The following CPS1 variants were observed in gnomAD, a reference collection of about 807,000 sequenced individuals.
CPS1 encodes carbamoyl-phosphate synthase [ammonia], mitochondrial.
Under a neutral mutation model 174.6 loss-of-function variants are expected in CPS1, and 109 were observed. The observed-to-expected ratio is 0.62, with a 90% CI of 0.53 to 0.73. CPS1 has a LOEUF of 0.73. CPS1 is among the 30% of genes least tolerant of loss of function. The probability of loss-of-function intolerance (pLI) is 0.00; values close to 1 mark genes in which losing one functional copy is unlikely to be tolerated. For missense variants in CPS1, 1,689 were observed against 1,821.9 expected, an observed-to-expected ratio of 0.93 and a Z score of 1.33; for synonymous variants, 637 against 632.0, an observed-to-expected ratio of 1.01 and a Z score of -0.12.
chr2:210,592,805 C>G, intron 10 of CPS1, 74 bp from the exon 11 acceptor site: 1 of 1,406,130 alleles, frequency 7.1e-7, no homozygotes. Context: ...CTTTATTGTT[C>G]CCTGAATAAT....
intron 36 of CPS1, among the ~76,000 whole-genome samples, chr2:210,676,790 G>A (rs1368400288): frequency 1.3e-5 from 2 of 152,086 alleles, no homozygotes; most frequent in Non-Finnish European, 1.5e-5. Context: ...ACAAACATCT[G>A]CATTCCATTA....
intron 21 of CPS1, chr2:210,617,505 A>G (rs927236732): frequency 6.6e-6 from 1 of 152,092 alleles, no homozygotes; most frequent in Non-Finnish European, 1.5e-5. Flanking sequence ...TTGCTCAACT[A>G]TTTAGCAATT....
intron 1 of CPS1, among the ~76,000 whole-genome samples, chr2:210,514,426 T>C (rs1389114287): frequency 6.6e-6 from 1 of 150,980 alleles, no homozygotes; most frequent in Non-Finnish European, 1.5e-5. Flanking sequence ...TTCCTAGGTA[T>C]TTTTTTTTGT....
intron 1 of CPS1, among the ~76,000 whole-genome samples, chr2:210,489,976 T>C (rs6744045): frequency 0.84 from 119,658 of 141,716 alleles, 50,967 homozygotes; most frequent in Middle Eastern, 0.93. Flanking sequence ...CCAGCCTGGG[T>C]GACAGAGCGA....
chr2:210,477,756 C>T (rs774927560), exon 1 of CPS1: 2 of 1,613,208 alleles, frequency 1.2e-6, no homozygotes, highest in East Asian at 2.2e-5. Context: ...AAGATTTAGC[C>T]GAGGCCCATG....
chr2:210,498,492 T>C (rs1358224084), intron 1 of CPS1, among the ~76,000 whole-genome samples: 2 of 152,194 alleles, frequency 1.3e-5, no homozygotes, highest in Non-Finnish European at 2.9e-5. Context: ...GCTAGTGAGT[T>C]TTGACACTGA....
rs1346309704 is a variant in CPS1 at position 210,650,369 on chromosome 2, T to G, written c.3411T>G (p.Ser1137=). The G allele has an allele frequency of 6.2e-7, 1 of 1,613,432 alleles. No individual in the cohort carries two copies. The highest frequency in any genetic ancestry group is 2.2e-5 in the East Asian group (1 of 44,862). The change falls in exon 28 of 38, where the codon TCT becomes TCG. Residue 1137 remains serine, a synonymous_variant. Coordinates refer to ENST00000233072, the MANE Select transcript of CPS1 (RefSeq NM_001875.5). The stretch of plus-strand genomic sequence containing the variant: ...TTTCCCCTTCCTTTTCCAGTGGGTC[T>G]GCTATGAATGTGGTATTCTCTGAGG... ...LLRPSYVLSG[S]AMNVVFSEDE...
chr2:210,522,112 G>A (rs942544855), intron 1 of CPS1, among the ~76,000 whole-genome samples: 6 of 151,900 alleles, frequency 3.9e-5, no homozygotes, highest in African/African-American at 1.4e-4. Context: ...ATCTTTCCAG[G>A]TGGTTCTTTT....
intron 1 of CPS1, among the ~76,000 whole-genome samples, chr2:210,497,864 T>C (rs1300872315): frequency 8.5e-6 from 1 of 117,558 alleles, no homozygotes; most frequent in Non-Finnish European, 1.9e-5. Flanking sequence ...TGCATGCATG[T>C]GTCTTTTTGG....
intron 1 of CPS1, among the ~76,000 whole-genome samples, chr2:210,492,629 C>T (rs1452784087): frequency 6.6e-6 from 1 of 151,854 alleles, no homozygotes; most frequent in Non-Finnish European, 1.5e-5. Context: ...AGAAAGGTTA[C>T]ATACTCAGGA....
chr2:210,647,793 C>A, intron 25 of CPS1, 70 bp from the exon 26 acceptor site: 1 of 1,512,248 alleles, frequency 6.6e-7, no homozygotes, highest in Non-Finnish European at 9.2e-7. Flanking sequence ...GAAATAGACA[C>A]AATATTAGCA....
At chr2:210,478,765 A>T (rs1694476272) in intron 1 of CPS1, among the ~76,000 whole-genome samples, 1 of 152,140 alleles carries the variant, frequency 6.6e-6, no homozygotes, top group Admixed American at 6.5e-5. Context: ...CTTTATCTGG[A>T]GTTTACTTCT....
At chr2:210,650,191 T>C (rs532024412) in intron 27 of CPS1, among the ~76,000 whole-genome samples, 172 bp from the exon 28 acceptor site, 1 of 152,382 alleles carries the variant, frequency 6.6e-6, no homozygotes, top group Admixed American at 6.5e-5. Context: ...GTCAGTTTTA[T>C]ACTTTGGTTG....
rs377683704 is a variant in CPS1 at position 210,520,942 on chromosome 2, G to T, written c.4-35777G>T. On this transcript the variant is annotated intron_variant, in intron 1 of 38. Transcript: ENST00000430249. ...TGCAAAAGTTTTATGGGCATATGTT[G>T]TCATTTCTCTTGGGGGAAAAAGGGG... Among the ~76,000 whole-genome samples the T allele has an allele frequency of 1.8e-4, 28 of 152,106 alleles. No individual in the cohort carries two copies. In the South Asian group the frequency reaches 5.4e-3, roughly 29 times the overall value.
At chr2:210,646,775 G>C (rs2371008) in intron 25 of CPS1, among the ~76,000 whole-genome samples, 146,232 of 152,146 alleles carry the variant, frequency 0.96, 70,508 homozygotes, top group Non-Finnish European at 0.99. Context: ...GTTCAGTCTT[G>C]TTGTCTATAA....
chr2:210,621,447 C>G (rs1699524673), intron 21 of CPS1, among the ~76,000 whole-genome samples: 1 of 152,096 alleles, frequency 6.6e-6, no homozygotes, highest in South Asian at 2.1e-4. Context: ...TAATCTCTGT[C>G]CATTAGCTTT....
At chr2:210,605,516 A>T (rs1698877454) in intron 17 of CPS1, among the ~76,000 whole-genome samples, 1 of 151,946 alleles carries the variant, frequency 6.6e-6, no homozygotes. Flanking sequence ...AATAAGATCC[A>T]TAAAACTTAG....
chr2:210,536,375 C>T (rs1696252486), intron 1 of CPS1, among the ~76,000 whole-genome samples: 1 of 143,484 alleles, frequency 7.0e-6, no homozygotes, highest in African/African-American at 2.7e-5. Context: ...GGATGGAGTG[C>T]AGTGGCGTGA....
chr2:210,487,268 G>C (rs1574460583), intron 1 of CPS1, among the ~76,000 whole-genome samples: 1 of 152,092 alleles, frequency 6.6e-6, no homozygotes, highest in Non-Finnish European at 1.5e-5. Flanking sequence ...CTTCTTCCCT[G>C]TTGGCTTACT....
Sources: gnomAD v4.1 joint callset for allele counts (sites outside exome capture counted in the v4.1 genomes callset) on GRCh38, gnomAD v4.1.1 for gene constraint, MANE v1.5 for transcripts, NCBI Gene and HGNC (gene_info 2026-07-23, HGNC 2026-07-21) for gene names.